C14orf93: variants seen among roughly 807,000 people sequenced by gnomAD.
C14orf93 encodes the protein chromosome 14 open reading frame 93, also known as uncharacterized protein C14orf93.
C14orf93 carries 23 observed loss-of-function variants against 44.0 expected under a neutral mutation model. That is an observed-to-expected ratio of 0.52 (90% CI 0.38 to 0.74). The LOEUF (loss-of-function observed/expected upper bound fraction) is 0.74. C14orf93 is among the 30% of genes least tolerant of loss of function. C14orf93 has a pLI of 0.00. For synonymous variants in C14orf93, 253 were observed against 265.7 expected (o/e 0.95, Z 0.46); for missense variants, 579 against 678.9 (o/e 0.85, Z 1.64).
At chr14:23,002,280 A>C (rs1266477873) in intron 1 of C14orf93, among the ~76,000 whole-genome samples, 2 of 151,622 alleles carry the variant, frequency 1.3e-5, no homozygotes, top group Non-Finnish European at 2.9e-5. Flanking sequence ...GTGAAACCCT[A>C]TCTCTACTAA....
Position 22,990,122 on chromosome 14 carries a change from C to T in C14orf93, c.924G>A (p.Leu308=). Residue 308 remains leucine (L), a synonymous_variant, in exon 4 of 7, where the codon CTG becomes CTA. Transcript: ENST00000299088. ...RRKRDLVLSK[L]VHNVHNHITN... ...TGATGTGGTTATGCACATTGTGGAC[C>T]AGTTTCTAGGAGGAAAAAAAGAAAA... is the stretch of plus-strand genomic sequence containing the variant. 2 of 1,613,196 alleles carry T rather than the reference C, an allele frequency of 1.2e-6. No individual in the cohort carries two copies. The highest frequency in any genetic ancestry group is 1.1e-5 in the South Asian group (1 of 90,996).
intron 2 of C14orf93, among the ~76,000 whole-genome samples, chr14:22,997,047 C>G (rs1396561778): frequency 6.6e-6 from 1 of 152,008 alleles, no homozygotes; most frequent in African/African-American, 2.4e-5. Flanking sequence ...ATTTATAGAC[C>G]TGTGAGCTGC....
chr14:22,990,323 G>A (rs2045522513), intron 3 of C14orf93, among the ~76,000 whole-genome samples, 196 bp from the exon 4 acceptor site: 2 of 152,134 alleles, frequency 1.3e-5, no homozygotes, highest in Non-Finnish European at 2.9e-5. Flanking sequence ...AGGATTCCAG[G>A]ATCATCCCTG....
chr14:23,006,352 A>C (rs1594688488), intron 1 of C14orf93: 1 of 152,214 alleles, frequency 6.6e-6, no homozygotes, highest in South Asian at 2.1e-4. Flanking sequence ...TGACTCGACT[A>C]ATGGTCTGCA....
At position 22,996,563 on chromosome 14, in the gene C14orf93, A is replaced by C. The variant is rs1319703545; in HGVS notation, c.598-295T>G. Among the ~76,000 whole-genome samples, 1 of 152,208 alleles carries C rather than the reference A, an allele frequency of 6.6e-6. No homozygotes were observed. Among genetic ancestry groups the C allele is most frequent in the Non-Finnish European group, 1.5e-5 (1 of 68,038 alleles). ...TTATGGATAGCTCTTGGATATAAGAAATGGAGCTAGATAAGTGTTTTGTCT... is the reference window on the plus strand; with the variant it reads ...TTATGGATAGCTCTTGGATATAAGACATGGAGCTAGATAAGTGTTTTGTCT... On this transcript the variant is annotated intron_variant, in intron 2 of 6. Transcript: ENST00000299088. This position sits in a 1 kb window ranked among gnomAD's most constrained non-coding sequence, Gnocchi z 4.1.
chr14:23,002,245 G>C (rs1221352246), intron 1 of C14orf93, among the ~76,000 whole-genome samples: 2 of 151,682 alleles, frequency 1.3e-5, no homozygotes, highest in Non-Finnish European at 2.9e-5. Flanking sequence ...GACGTTAGGA[G>C]TTCTAGACCA....
chr14:23,008,166 A>C (rs1005604599), intron 1 of C14orf93, among the ~76,000 whole-genome samples: 1 of 102,040 alleles, frequency 9.8e-6, no homozygotes, highest in Non-Finnish European at 1.9e-5. Context: ...AAAAAAAAAA[A>C]AAAAAAAAAA....
At position 22,987,248 on chromosome 14, in the gene C14orf93, T is replaced by C. The variant is rs747015406; in HGVS notation, c.1584A>G (p.Ser528=). 2 of 1,613,850 alleles carry C rather than the reference T, an allele frequency of 1.2e-6. No homozygotes were observed. The highest frequency in any genetic ancestry group is 2.2e-5 in the East Asian group (1 of 44,888). The change falls in exon 7 of 7, where the codon TCA becomes TCG. Residue 528 remains serine (S), a synonymous_variant. Transcript: ENST00000299088. This position sits in a 1 kb window ranked among gnomAD's most constrained non-coding sequence, Gnocchi z 5.6. ...CCTTTTCCACCTTGATTTCAATGAA[T>C]GAGTTCAAGTCAGGACAGCAGGTTT... is the stretch of plus-strand genomic sequence containing the variant. The part of the protein sequence containing the change: ...PHKTCCPDLN[S]FIEIKVEKDE
chr14:23,007,387 C>T (rs1417063069), intron 1 of C14orf93, among the ~76,000 whole-genome samples: 1 of 152,222 alleles, frequency 6.6e-6, no homozygotes, highest in Non-Finnish European at 1.5e-5. Flanking sequence ...TTCTCTGCTG[C>T]TCACAAACCT....
At chr14:23,002,728 T>A (rs2046375969) in intron 1 of C14orf93, 1 of 152,296 alleles carries the variant, frequency 6.6e-6, no homozygotes, top group East Asian at 1.9e-4. Context: ...TTAATCTTTT[T>A]TTTTTTAAGA....
chr14:22,999,459 A>T (rs972672115), intron 1 of C14orf93, 57 bp from the exon 2 acceptor site: 6 of 163,954 alleles, frequency 3.7e-5, no homozygotes, highest in African/African-American at 1.5e-4. Context: ...CCTCCTCCTC[A>T]CCATCTTTAC....
At chr14:22,989,910 C>T in intron 4 of C14orf93, 65 bp from the exon 5 acceptor site, 1 of 1,487,694 alleles carries the variant, frequency 6.7e-7, no homozygotes, top group South Asian at 1.1e-5. Flanking sequence ...AACAGAGATA[C>T]CCAGCACTAA....
rs370466331 is a variant in C14orf93, at chr14:22,999,353, C to T, written c.-330G>A. 20 of 210,678 alleles carry T rather than the reference C, an allele frequency of 9.5e-5. No individual in the cohort carries two copies. Among genetic ancestry groups the T allele is most frequent in the African/African-American group, 4.4e-4 (19 of 43,620 alleles). 13.1% of individuals were successfully genotyped at this position (210,678 alleles called of 1,614,324 possible). A position where few individuals can be genotyped will look rare whatever the true frequency, so the allele number is the denominator to read the frequency against. ...CTGCCCCCCAGCATGGAACCCCCGACTAGTGCAACCTAAGGAACAGGGAAG... is the reference window on the plus strand; with the variant it reads ...CTGCCCCCCAGCATGGAACCCCCGATTAGTGCAACCTAAGGAACAGGGAAG... On this transcript the variant is annotated 5_prime_UTR_variant, in exon 2 of 7. Coordinates refer to ENST00000299088, the MANE Select transcript of C14orf93 (RefSeq NM_021944.4).
chr14:22,994,435 TG>T (rs970734585), intron 3 of C14orf93, among the ~76,000 whole-genome samples: 11 of 151,950 alleles, frequency 7.2e-5, no homozygotes, highest in Non-Finnish European at 1.2e-4. Flanking sequence ...CGCTTGAACC[TG>T]GGAGGCTTGC....
At chr14:23,008,748 A>G (rs2046756761) in intron 1 of C14orf93, among the ~76,000 whole-genome samples, 1 of 152,234 alleles carries the variant, frequency 6.6e-6, no homozygotes, top group Non-Finnish European at 1.5e-5. Context: ...TCTAATTCAT[A>G]TACTTTTTTC....
Position 22,987,520 on chromosome 14 carries a change from C to T in C14orf93, c.1312G>A (p.Gly438Ser). Residue 438 changes from glycine (G) to serine (S), a missense_variant, in exon 7 of 7, where the codon GGT becomes AGT. Transcript: ENST00000299088. The surrounding 1 kb of genome is among the most constrained non-coding windows in gnomAD (Gnocchi z 5.6). ...CGGGGAGGGCGGGCCACCCACACAC[C>T]TGGCTCGTTAAGACTGTCCTCTTCA... is the stretch of plus-strand genomic sequence containing the variant. ...SDEEDSLNEP[G>S]VWVARPPRFR... The T allele has an allele frequency of 6.2e-7, 1 of 1,614,260 alleles. No homozygotes were observed. The highest frequency in any genetic ancestry group is 8.5e-7 in the Non-Finnish European group (1 of 1,180,046).
intron 1 of C14orf93, chr14:23,000,192 T>C (rs2046218620): frequency 6.6e-6 from 1 of 152,164 alleles, no homozygotes; most frequent in Non-Finnish European, 1.5e-5. Context: ...TTTAAATTAC[T>C]GTAGTTAAGC....
intron 3 of C14orf93, among the ~76,000 whole-genome samples, chr14:22,995,048 C>T (rs2045887811): frequency 6.6e-6 from 1 of 152,198 alleles, no homozygotes; most frequent in Admixed American, 6.5e-5. Context: ...GTTTGGTCAG[C>T]TGCCAGGATG....
At chr14:23,003,949 G>A (rs1457678998) in intron 1 of C14orf93, among the ~76,000 whole-genome samples, 28 of 101,266 alleles carry the variant, frequency 2.8e-4, no homozygotes, top group South Asian at 3.9e-4. Context: ...TCGCTCTGTC[G>A]CCCAGGCTAG....
Sources: gnomAD v4.1 joint callset for allele counts (sites outside exome capture counted in the v4.1 genomes callset) on GRCh38, gnomAD v4.1.1 for gene constraint, Gnocchi (gnomAD v3.1) non-coding constraint, MANE v1.5 for transcripts, NCBI Gene and HGNC (gene_info 2026-07-23, HGNC 2026-07-21) for gene names.